GABRA4: variants seen among roughly 807,000 people sequenced by gnomAD.
The protein encoded by GABRA4 is gamma-aminobutyric acid type A receptor subunit alpha4.
A neutral mutation model predicts 49.7 loss-of-function variants in GABRA4; 12 were observed. The ratio of observed to expected loss-of-function variants is 0.24; its 90% CI spans 0.15 to 0.39. The LOEUF (loss-of-function observed/expected upper bound fraction) is 0.39, where lower values mean the gene tolerates loss of function less well. Ranked by LOEUF, GABRA4 falls within the 10% of genes least tolerant of loss-of-function variation. The probability of loss-of-function intolerance (pLI) is 1.00; values close to 1 mark genes in which losing one functional copy is unlikely to be tolerated. For missense variants in GABRA4, 506 were observed against 686.0 expected (o/e 0.74, Z 2.93); for synonymous variants, 288 against 240.2 (o/e 1.20, Z -1.84).
chr4:46,956,576 C>A (rs1283153782), intron 8 of GABRA4, among the ~76,000 whole-genome samples: 3 of 152,018 alleles, frequency 2.0e-5, no homozygotes, highest in African/African-American at 7.2e-5. Context: ...CCCAAAGTGT[C>A]CTCAGTTCTC....
chr4:46,946,654 G>A (rs1419709102), intron 8 of GABRA4, among the ~76,000 whole-genome samples: 2 of 152,074 alleles, frequency 1.3e-5, no homozygotes, highest in African/African-American at 4.8e-5. Context: ...TAAGACATAA[G>A]GAGTCTATAC....
At chr4:46,974,834 A>C (rs1723084162) in intron 5 of GABRA4, among the ~76,000 whole-genome samples, 1 of 151,838 alleles carries the variant, frequency 6.6e-6, no homozygotes, top group Admixed American at 6.6e-5. Flanking sequence ...ACAAAACCAA[A>C]CAAATCCTAC....
At chr4:46,958,111 G>T (rs1722431548) in intron 8 of GABRA4, among the ~76,000 whole-genome samples, 1 of 151,856 alleles carries the variant, frequency 6.6e-6, no homozygotes, top group African/African-American at 2.4e-5. Context: ...AAATGCCATA[G>T]AATTGTGTTT....
At chr4:46,981,200 G>A (rs1428102454) in intron 2 of GABRA4, among the ~76,000 whole-genome samples, 1 of 152,052 alleles carries the variant, frequency 6.6e-6, no homozygotes, top group Admixed American at 6.6e-5. Flanking sequence ...AACACCATGT[G>A]CTATAAAATA....
intron 5 of GABRA4, among the ~76,000 whole-genome samples, chr4:46,975,072 T>C (rs1723092443): frequency 6.6e-6 from 1 of 152,026 alleles, no homozygotes; most frequent in Non-Finnish European, 1.5e-5. Context: ...CCATTTTCTA[T>C]TATTTGGCAC....
At chr4:46,961,889 C>T (rs1722589626) in intron 8 of GABRA4, among the ~76,000 whole-genome samples, 1 of 151,762 alleles carries the variant, frequency 6.6e-6, no homozygotes, top group Non-Finnish European at 1.5e-5. Flanking sequence ...TGCTTGTTTG[C>T]TTCTATGTTT....
At chr4:46,983,228 A>C (rs1274700628) in intron 2 of GABRA4, among the ~76,000 whole-genome samples, 2 of 152,112 alleles carry the variant, frequency 1.3e-5, no homozygotes, top group African/African-American at 4.8e-5. Context: ...ACTTAAGCAA[A>C]TGTGGAATTT....
chr4:46,961,156 C>G (rs1370896908), intron 8 of GABRA4, among the ~76,000 whole-genome samples: 1 of 151,828 alleles, frequency 6.6e-6, no homozygotes, highest in Non-Finnish European at 1.5e-5. Context: ...AAAATATAAA[C>G]TATCTAAACT....
At chr4:46,970,321 C>T (rs1253518114) in intron 7 of GABRA4, among the ~76,000 whole-genome samples, 1 of 151,430 alleles carries the variant, frequency 6.6e-6, no homozygotes, top group Non-Finnish European at 1.5e-5. Context: ...TGATCATTTT[C>T]CTTCTTATTC....
At chr4:46,931,936 G>T (rs1285434899) in intron 8 of GABRA4, among the ~76,000 whole-genome samples, 1 of 152,144 alleles carries the variant, frequency 6.6e-6, no homozygotes, top group Non-Finnish European at 1.5e-5. Flanking sequence ...AGAATCCACA[G>T]TTGATCCACA....
At chr4:46,993,203 G>T in intron 1 of GABRA4, 136 bp downstream of exon 1, 3 of 821,976 alleles carry the variant, frequency 3.6e-6, no homozygotes, top group Non-Finnish European at 6.0e-6. Flanking sequence ...AGAAAAGCCT[G>T]GCTTCGGCCC....
At chr4:46,959,818 G>GTA (rs34315359) in intron 8 of GABRA4, among the ~76,000 whole-genome samples, 21,476 of 137,556 alleles carry the variant, frequency 0.16, 2,007 homozygotes, top group Admixed American at 0.31. Context: ...CAAAAATTAT[G>GTA]TATATATATA....
intron 6 of GABRA4, among the ~76,000 whole-genome samples, chr4:46,971,866 AC>A (rs1722959163): frequency 6.6e-6 from 1 of 151,418 alleles, no homozygotes; most frequent in Non-Finnish European, 1.5e-5. Flanking sequence ...CATATATAAC[AC>A]CCCTGAGTTC....
intron 8 of GABRA4, among the ~76,000 whole-genome samples, chr4:46,931,199 C>T (rs1285518200): frequency 1.3e-5 from 2 of 152,116 alleles, no homozygotes; most frequent in African/African-American, 4.8e-5. Context: ...CAATACCTGA[C>T]ATTCACCCAA....
chr4:46,974,958 C>T (rs1014234336), intron 5 of GABRA4, among the ~76,000 whole-genome samples: 1 of 151,886 alleles, frequency 6.6e-6, no homozygotes, highest in African/African-American at 2.4e-5. Context: ...GTAAAGCTGT[C>T]CAGGGAATAT....
chr4:46,947,336 C>T (rs1418894488), intron 8 of GABRA4, among the ~76,000 whole-genome samples: 3 of 151,922 alleles, frequency 2.0e-5, no homozygotes, highest in Admixed American at 6.6e-5. Flanking sequence ...TATTTTATGC[C>T]GATTTTGGAA....
intron 3 of GABRA4, among the ~76,000 whole-genome samples, chr4:46,978,409 C>T (rs929037495): frequency 1.3e-5 from 2 of 151,770 alleles, no homozygotes; most frequent in Admixed American, 6.6e-5. Flanking sequence ...AAAAAACAGC[C>T]GGGCACGGTG....
chr4:46,965,753 C>T lies in GABRA4; in HGVS notation c.875-524G>A, dbSNP rs73247612. ...GGCCCACTGCTATTGAGAACCACTG[C>T]CAGAAAAGGCATGAATTATACATAG... On this transcript the variant is annotated intron_variant, in intron 7 of 8. Transcript: ENST00000264318. Among the ~76,000 whole-genome samples, 755 of 151,776 alleles carry T rather than the reference C, an allele frequency of 5.0e-3. 2 individuals are homozygous for T. The highest frequency in any genetic ancestry group is 8.6e-3 in the Non-Finnish European group (580 of 67,788).
intron 8 of GABRA4, among the ~76,000 whole-genome samples, chr4:46,960,476 A>C (rs921264062): frequency 6.6e-6 from 1 of 151,778 alleles, no homozygotes; most frequent in Non-Finnish European, 1.5e-5. Flanking sequence ...TCAAACATTT[A>C]TAAGTTTTTA....
Sources: allele counts gnomAD v4.1 joint callset (sites outside exome capture counted in the v4.1 genomes callset), GRCh38; gene constraint gnomAD v4.1.1; transcripts MANE v1.5; gene names NCBI Gene and HGNC (gene_info 2026-07-23, HGNC 2026-07-21).